The following U2AF2 variants were observed in gnomAD, a reference collection of about 807,000 sequenced individuals.
The protein encoded by U2AF2 is U2 small nuclear RNA auxiliary factor 2, also known as splicing factor U2AF 65 kDa subunit.
Under a neutral mutation model 52.6 loss-of-function variants are expected in U2AF2, and 6 were observed. That is an observed-to-expected ratio of 0.11 (90% CI 0.06 to 0.23). U2AF2 has a LOEUF of 0.23. Among genes scored for constraint, U2AF2 ranks in the 10% least tolerant of loss-of-function variants. U2AF2 has a pLI of 1.00. For missense variants in U2AF2, 222 were observed against 677.1 expected (o/e 0.33, Z 7.46); for synonymous variants, 284 against 258.2 (o/e 1.10, Z -0.96).
Position 55,668,618 on chromosome 19 carries a change from C to G in U2AF2, c.822+32C>G. 6.3e-7 allele frequency: 1 copy of G among 1,595,860 alleles called. No individual in the cohort carries two copies. The highest frequency in any genetic ancestry group is 2.2e-5 in the East Asian group (1 of 44,466). The stretch of plus-strand genomic sequence containing the variant: ...TCCCTGCCTCCCTCCAGACCCGTCC[C>G]CCCACCCCGCCCCACCTCATCCCAG... On this transcript the variant is annotated intron_variant, in intron 8 of 11. Coordinates refer to ENST00000308924, the MANE Select transcript of U2AF2 (RefSeq NM_007279.3). The surrounding 1 kb of genome is among the most constrained non-coding windows in gnomAD (Gnocchi z 5.5).
intron 7 of U2AF2, among the ~76,000 whole-genome samples, chr19:55,667,886 C>T (rs113266249): frequency 9.2e-4 from 139 of 151,900 alleles, no homozygotes; most frequent in African/African-American, 3.2e-3. Flanking sequence ...CCTGGGTTCA[C>T]GCCATTCTTC....
intron 11 of U2AF2, among the ~76,000 whole-genome samples, chr19:55,672,370 T>C (rs1197923326): frequency 1.3e-5 from 2 of 152,222 alleles, no homozygotes; most frequent in Non-Finnish European, 2.9e-5. Flanking sequence ...ATTTTAAGGC[T>C]TATCAGGTTT....
At chr19:55,670,013 C>T (rs951172945) in intron 11 of U2AF2, among the ~76,000 whole-genome samples, 2 of 152,144 alleles carry the variant, frequency 1.3e-5, no homozygotes, top group African/African-American at 4.8e-5. Context: ...CTTATATGGC[C>T]TGGCTTGTGC....
chr19:55,663,884 A>C, intron 7 of U2AF2, 140 bp downstream of exon 7: 1 of 1,278,174 alleles, frequency 7.8e-7, no homozygotes, highest in African/African-American at 1.5e-5. Flanking sequence ...TGCTTCCCCT[A>C]AGTCTCTGTG....
intron 11 of U2AF2, among the ~76,000 whole-genome samples, chr19:55,671,002 A>G (rs967274972): frequency 2.0e-5 from 3 of 152,186 alleles, no homozygotes; most frequent in Non-Finnish European, 4.4e-5. Flanking sequence ...TGTCAGGACC[A>G]AGGCTGGCTC....
In U2AF2 at chr19:55,674,093, A is replaced by G; in HGVS notation, c.*25A>G. The G allele has an allele frequency of 1.1e-5, 7 of 652,040 alleles. No individual in the cohort carries two copies. Among genetic ancestry groups the G allele is most frequent in the Admixed American group, 2.1e-5 (1 of 48,254 alleles). 40.4% of individuals were successfully genotyped at this position (652,040 alleles called of 1,614,324 possible). A position where few individuals can be genotyped will look rare whatever the true frequency, so the allele number is the denominator to read the frequency against. Reference sequence around the variant, plus strand: ...GAGGCGGCTGGGGGAGGGTGGGGGCAGGGCTGGCTGGGGGCTTCTCCCCAC... The same window carrying G: ...GAGGCGGCTGGGGGAGGGTGGGGGCGGGGCTGGCTGGGGGCTTCTCCCCAC... On this transcript the variant is annotated 3_prime_UTR_variant, in exon 12 of 12. Transcript: ENST00000308924.
Position 55,660,164 on chromosome 19 carries a change from T to TCCCCCCCCCCCCCCAACCTTTCCCC in U2AF2, c.186-10_186-9insCCCCCCCCCCCAACCTTTCCCCCCC. 1 of 739,450 alleles carries TCCCCCCCCCCCCCCAACCTTTCCCC rather than the reference T, an allele frequency of 1.4e-6. No homozygotes were observed. The allele number at this position is 739,450 out of a possible 1,614,324, so 45.8% of individuals were successfully genotyped here. On this transcript the variant is annotated splice_polypyrimidine_tract_variant and intron_variant, in intron 2 of 11. Coordinates refer to ENST00000308924, the MANE Select transcript of U2AF2 (RefSeq NM_007279.3). Reference sequence around the variant, plus strand: ...AGTCACCCCTCCCCATACCTTTCCCTCCCACCCCCCAGCAAACCTTTGACC... The same window carrying TCCCCCCCCCCCCCCAACCTTTCCCC: ...AGTCACCCCTCCCCATACCTTTCCCTCCCCCCCCCCCCCCAACCTTTCCCCCCCACCCCCCAGCAAACCTTTGACC...
At chr19:55,670,950 C>T (rs1313711811) in intron 11 of U2AF2, among the ~76,000 whole-genome samples, 1 of 152,160 alleles carries the variant, frequency 6.6e-6, no homozygotes, top group South Asian at 2.1e-4. Context: ...TTGCCGGGAG[C>T]TGGCAGGGTT....
At chr19:55,661,402 C>A (rs899109983) in intron 5 of U2AF2, 10 of 510,762 alleles carry the variant, frequency 2.0e-5, no homozygotes, top group Middle Eastern at 5.0e-4. Flanking sequence ...CGTCTCCCCT[C>A]CCCCCAACCT....
At chr19:55,661,237 G>T (rs754399105) in intron 5 of U2AF2, 48 bp downstream of exon 5, 2 of 1,418,688 alleles carry the variant, frequency 1.4e-6, no homozygotes, top group African/African-American at 1.7e-5. Flanking sequence ...CCTCTACCCC[G>T]TTCCTCCCCT....
chr19:55,663,565 C>T (rs753434277), intron 6 of U2AF2, 41 bp from the exon 7 acceptor site: 1 of 1,604,330 alleles, frequency 6.2e-7, no homozygotes, highest in Non-Finnish European at 8.5e-7. Flanking sequence ...TGTACTAGTC[C>T]CTGACCCCCA....
chr19:55,664,347 G>A (rs1036918057), intron 7 of U2AF2, among the ~76,000 whole-genome samples: 6 of 152,230 alleles, frequency 3.9e-5, no homozygotes, highest in South Asian at 2.1e-4. Flanking sequence ...ACCTCGACAC[G>A]CGTGGCTGCT....
chr19:55,667,789 T>A (rs1017778079), intron 7 of U2AF2, among the ~76,000 whole-genome samples: 7 of 151,734 alleles, frequency 4.6e-5, no homozygotes, highest in Admixed American at 1.3e-4. Context: ...CTGAGCTTTT[T>A]TTTTTTTTTC....
rs970585939 is a variant in U2AF2 at position 55,672,113 on chromosome 19, A to G, written c.1294-1821A>G. 11 of 151,320 alleles carry G rather than the reference A, an allele frequency of 7.3e-5. 1 individual carries two copies. In the South Asian group the frequency reaches 8.4e-4, roughly 11 times the overall value. The allele number at this position is 151,320 out of a possible 1,614,324, so 9.4% of individuals were successfully genotyped here. A position where few individuals can be genotyped will look rare whatever the true frequency, so the allele number is the denominator to read the frequency against. ...CACTGCACTCCAGCCTGGGTGACAG[A>G]GCAAGACATGGTCTCAGAAAAAAAA... On this transcript the variant is annotated intron_variant, in intron 11 of 11. Coordinates refer to ENST00000308924, the MANE Select transcript of U2AF2 (RefSeq NM_007279.3).
rs970080431 is a variant in U2AF2, at chr19:55,674,414, T to C, written c.*346T>C. 1.3e-5 allele frequency: 3 copies of C among 226,194 alleles called. No homozygotes were observed. Among genetic ancestry groups the C allele is most frequent in the Non-Finnish European group, 2.6e-5 (3 of 114,070 alleles). 14.0% of individuals were successfully genotyped at this position (226,194 alleles called of 1,614,324 possible). A position where few individuals can be genotyped will look rare whatever the true frequency, so the allele number is the denominator to read the frequency against. The stretch of plus-strand genomic sequence containing the variant: ...CCTCTCCTTCTCCCATAGACCCCTT[T>C]CTTCTCCCCTTCCCCACGGTAGGAA... On this transcript the variant is annotated 3_prime_UTR_variant, in exon 12 of 12. Coordinates refer to ENST00000308924, the MANE Select transcript of U2AF2 (RefSeq NM_007279.3).
intron 1 of U2AF2, among the ~76,000 whole-genome samples, chr19:55,657,733 C>T (rs1212421586): frequency 6.6e-6 from 1 of 152,168 alleles, no homozygotes; most frequent in Non-Finnish European, 1.5e-5. Context: ...TCTAGCCAGA[C>T]CTGAGTGTTC....
chr19:55,659,263 C>A lies in U2AF2; in HGVS notation c.103C>A (p.Arg35=). 2 of 1,603,662 alleles carry A rather than the reference C, an allele frequency of 1.2e-6. No individual in the cohort carries two copies. The highest frequency in any genetic ancestry group is 1.7e-6 in the Non-Finnish European group (2 of 1,174,510). ...GCGCAGCCACAGCCGCTCTCGGAGC[C>A]GGGACCGCAAACGCCGGAGCCGGAG... is the stretch of plus-strand genomic sequence containing the variant. The part of the protein sequence containing the change: ...RKRSHSRSRS[R]DRKRRSRSRD... The change falls in exon 2 of 12, where the codon CGG becomes AGG. Residue 35 remains arginine (R), a synonymous_variant. Transcript: ENST00000308924.
At chr19:55,660,151 C>A (rs1313352372) in intron 2 of U2AF2, 26 bp from the exon 3 acceptor site, 3 of 1,588,822 alleles carry the variant, frequency 1.9e-6, no homozygotes, top group Non-Finnish European at 2.6e-6. Flanking sequence ...TCACCCCTCC[C>A]CATACCTTTC....
At chr19:55,670,415 A>T (rs1182039149) in intron 11 of U2AF2, among the ~76,000 whole-genome samples, 1 of 2,306 alleles carries the variant, frequency 4.3e-4, no homozygotes, top group Non-Finnish European at 6.4e-4. Flanking sequence ...TTCAGTTGTG[A>T]ATAGAGGTCC....
Sources: gnomAD v4.1 joint callset for allele counts (sites outside exome capture counted in the v4.1 genomes callset) on GRCh38, gnomAD v4.1.1 for gene constraint, Gnocchi (gnomAD v3.1) non-coding constraint, MANE v1.5 for transcripts, NCBI Gene and HGNC (gene_info 2026-07-23, HGNC 2026-07-21) for gene names.